Variants in CREBL2 observed in about 807,000 individuals in gnomAD.
CREBL2 encodes the protein cAMP responsive element binding protein like 2.
In CREBL2, 4 loss-of-function variants were observed where a neutral mutation model predicts 19.5. That is an observed-to-expected ratio of 0.20 (90% CI 0.10 to 0.47). The LOEUF is 0.47. CREBL2 is among the 20% of genes least tolerant of loss of function. The pLI is 0.98. For missense variants in CREBL2, 85 were observed against 145.1 expected, an observed-to-expected ratio of 0.59 and a Z score of 2.13; for synonymous variants, 42 against 46.6, an observed-to-expected ratio of 0.90 and a Z score of 0.40.
chr12:12,636,052 A>G (rs899744760), intron 2 of CREBL2, 78 bp downstream of exon 2: 3 of 1,302,808 alleles, frequency 2.3e-6, no homozygotes, highest in Non-Finnish European at 3.2e-6. Flanking sequence ...CGAAAATACC[A>G]GTTATCACCT....
chr12:12,641,242 T>G (rs1288006434), intron 3 of CREBL2, among the ~76,000 whole-genome samples: 1 of 45,076 alleles, frequency 2.2e-5, no homozygotes, highest in Non-Finnish European at 4.9e-5. Context: ...ATTATTATTA[T>G]TATTATTATT....
intron 1 of CREBL2, among the ~76,000 whole-genome samples, chr12:12,618,794 C>G (rs1029984115): frequency 6.6e-6 from 1 of 152,218 alleles, no homozygotes; most frequent in African/African-American, 2.4e-5. Context: ...CTCGGGAGGC[C>G]CAGGCGGGCA....
chr12:12,632,603 T>G (rs943453060), intron 1 of CREBL2: 2 of 152,160 alleles, frequency 1.3e-5, no homozygotes, highest in African/African-American at 4.8e-5. Flanking sequence ...TATTGGATTA[T>G]AGTGTTGTAT....
In CREBL2 at chr12:12,635,203, C is replaced by T. The variant is rs188384233; in HGVS notation, c.16-574C>T. Among the ~76,000 whole-genome samples, 236 of 151,760 alleles carry T rather than the reference C, an allele frequency of 1.6e-3. 3 individuals are homozygous for T. The highest frequency in any genetic ancestry group is 5.4e-3 in the African/African-American group (224 of 41,392). On this transcript the variant is annotated intron_variant, in intron 1 of 3. Coordinates refer to ENST00000228865, the MANE Select transcript of CREBL2 (RefSeq NM_001310.4). ...GGTGAAACCCCATCTCTAAAAACAA[C>T]AACAAAAATAGAAAAATTAGCCAGG...
chr12:12,624,753 A>G (rs1376591446), intron 1 of CREBL2, among the ~76,000 whole-genome samples: 1 of 152,140 alleles, frequency 6.6e-6, no homozygotes, highest in Non-Finnish European at 1.5e-5. Flanking sequence ...TTGTGAGGCA[A>G]CTGCCTTCCA....
intron 1 of CREBL2, among the ~76,000 whole-genome samples, chr12:12,627,963 T>TC (rs1945415267): frequency 6.6e-6 from 1 of 152,142 alleles, no homozygotes; most frequent in Non-Finnish European, 1.5e-5. Flanking sequence ...CACTGCAACC[T>TC]CCAACTCCCG....
chr12:12,612,824 TG>T (rs1013911909), intron 1 of CREBL2, among the ~76,000 whole-genome samples: 2 of 152,232 alleles, frequency 1.3e-5, no homozygotes, highest in African/African-American at 4.8e-5. Flanking sequence ...TAATAGATAA[TG>T]TTCATTATTG....
In CREBL2 at chr12:12,635,785, A is replaced by T. The variant is rs779776315; in HGVS notation, c.24A>T (p.Gly8=). Residue 8 remains glycine (G), a synonymous_variant, in exon 2 of 4, where the codon GGA becomes GGT. Transcript: ENST00000228865. Reference sequence around the variant, plus strand: ...TCTCTCGCTTGCTGAAGGTGGTTGGAGGCAAAGTAAAGAAGCCCGGTAAAC... The same window carrying T: ...TCTCTCGCTTGCTGAAGGTGGTTGGTGGCAAAGTAAAGAAGCCCGGTAAAC... MDDSKVV[G]GKVKKPGKRG... 3.2e-5 allele frequency: 51 copies of T among 1,610,190 alleles called. No homozygotes were observed. Among genetic ancestry groups the T allele is most frequent in the Non-Finnish European group, 1.8e-5 (21 of 1,178,062 alleles).
intron 1 of CREBL2, among the ~76,000 whole-genome samples, chr12:12,617,285 C>T (rs541787709): frequency 6.6e-6 from 1 of 152,246 alleles, no homozygotes; most frequent in South Asian, 2.1e-4. Flanking sequence ...CACATACTTA[C>T]AATGGCAAAT....
intron 1 of CREBL2, among the ~76,000 whole-genome samples, chr12:12,613,682 G>T (rs968110010): frequency 2.6e-5 from 4 of 152,162 alleles, no homozygotes; most frequent in African/African-American, 9.7e-5. Flanking sequence ...GAAGGGGGGC[G>T]AGTTTCAGGA....
chr12:12,639,635 T>C (rs1428099692), intron 3 of CREBL2, among the ~76,000 whole-genome samples: 1 of 150,950 alleles, frequency 6.6e-6, no homozygotes, highest in Non-Finnish European at 1.5e-5. Flanking sequence ...TTTAATTAGG[T>C]TGTTTTTGTT....
chr12:12,641,465 A>G (rs1945521465), intron 3 of CREBL2, among the ~76,000 whole-genome samples: 1 of 151,242 alleles, frequency 6.6e-6, no homozygotes, highest in Admixed American at 6.6e-5. Flanking sequence ...ATGGCACTGC[A>G]CCCGGCTAAT....
intron 1 of CREBL2, among the ~76,000 whole-genome samples, chr12:12,632,973 A>G (rs1592241396): frequency 6.7e-6 from 1 of 150,164 alleles, no homozygotes; most frequent in Non-Finnish European, 1.5e-5. Flanking sequence ...TGCTCTTGTC[A>G]TCTAGCCTGG....
In CREBL2 at chr12:12,645,010, G is replaced by T. The variant is rs1945554229; in HGVS notation, c.*3012G>T. 1 of 152,174 alleles carries T rather than the reference G, an allele frequency of 6.6e-6. No homozygotes were observed. The highest frequency in any genetic ancestry group is 1.5e-5 in the Non-Finnish European group (1 of 68,034). The allele number at this position is 152,174 out of a possible 1,614,324, so 9.4% of individuals were successfully genotyped here. On this transcript the variant is annotated 3_prime_UTR_variant, in exon 4 of 4. Coordinates refer to ENST00000228865, the MANE Select transcript of CREBL2 (RefSeq NM_001310.4). Reference sequence around the variant, plus strand: ...CCTGCTTTCTCATCTGTAAAAAAGGGGGGAGGATAACTTTCACAGGGTAAT... The same window carrying T: ...CCTGCTTTCTCATCTGTAAAAAAGGTGGGAGGATAACTTTCACAGGGTAAT...
At chr12:12,627,480 A>C (rs1284688295) in intron 1 of CREBL2, among the ~76,000 whole-genome samples, 3 of 152,202 alleles carry the variant, frequency 2.0e-5, no homozygotes, top group Non-Finnish European at 4.4e-5. Flanking sequence ...ATAATACAAT[A>C]TGTGGCCTTT....
At chr12:12,641,206 A>G (rs774763153) in intron 3 of CREBL2, among the ~76,000 whole-genome samples, 6 of 145,996 alleles carry the variant, frequency 4.1e-5, no homozygotes, top group Non-Finnish European at 7.5e-5. Context: ...TTAAATAGCT[A>G]TAAAGAAATG....
At position 12,611,961 on chromosome 12, in the gene CREBL2, G is replaced by T; in HGVS notation, c.-212G>T. 1.7e-6 allele frequency: 1 copy of T among 600,190 alleles called. No individual in the cohort carries two copies. Among genetic ancestry groups the T allele is most frequent in the Non-Finnish European group, 2.9e-6 (1 of 345,126 alleles). 37.2% of individuals were successfully genotyped at this position (600,190 alleles called of 1,614,324 possible). ...GGAGGCGGCGGCGGCGAAGGGAGGCGTTTGGGGCCGCCTCCAGGGTCCGCT... is the reference window on the plus strand; with the variant it reads ...GGAGGCGGCGGCGGCGAAGGGAGGCTTTTGGGGCCGCCTCCAGGGTCCGCT... On this transcript the variant is annotated 5_prime_UTR_variant, in exon 1 of 4. Transcript: ENST00000228865.
At chr12:12,621,523 CA>C (rs61201510) in intron 1 of CREBL2, among the ~76,000 whole-genome samples, 6,392 of 64,908 alleles carry the variant, frequency 0.098, 127 homozygotes, top group Admixed American at 0.21. Context: ...CGTCTCAAAC[CA>C]AAAAAAAAAA....
intron 1 of CREBL2, among the ~76,000 whole-genome samples, chr12:12,620,900 A>G (rs1287660395): frequency 1.3e-5 from 2 of 152,210 alleles, no homozygotes; most frequent in Non-Finnish European, 2.9e-5. Context: ...AATGAGGGCA[A>G]TAGAGGCAAA....
Sources: gnomAD v4.1 joint callset for allele counts (sites outside exome capture counted in the v4.1 genomes callset) on GRCh38, gnomAD v4.1.1 for gene constraint, MANE v1.5 for transcripts, NCBI Gene and HGNC (gene_info 2026-07-23, HGNC 2026-07-21) for gene names.